EML5: variants seen among roughly 807,000 people sequenced by gnomAD.
EML5 encodes the protein EMAP like 5, also known as echinoderm microtubule-associated protein-like 5.
Under a neutral mutation model 250.0 loss-of-function variants are expected in EML5, and 120 were observed. The observed-to-expected ratio is 0.48, with a 90% CI of 0.41 to 0.56. The LOEUF is 0.56. Among genes scored for constraint, EML5 ranks in the 20% least tolerant of loss-of-function variants. The pLI is 0.00. For missense variants in EML5, 2,006 were observed against 2,437.6 expected (o/e 0.82, Z 3.73); for synonymous variants, 771 against 806.5 (o/e 0.96, Z 0.75).
At chr14:88,725,598 T>C (rs948039310) in intron 8 of EML5, among the ~76,000 whole-genome samples, 1 of 152,182 alleles carries the variant, frequency 6.6e-6, no homozygotes, top group Non-Finnish European at 1.5e-5. Context: ...TGAAGGATTA[T>C]GAGCTGCATC....
chr14:88,772,133 A>C (rs1464493741), intron 1 of EML5, among the ~76,000 whole-genome samples: 6 of 152,204 alleles, frequency 3.9e-5, no homozygotes, highest in Non-Finnish European at 8.8e-5. Flanking sequence ...TCAGACCAAG[A>C]AGCTAAATTT....
Position 88,743,613 on chromosome 14 carries a change from G to C in EML5, c.525+410C>G, listed in dbSNP as rs79437184. Reference sequence around the variant, plus strand: ...GCTCAAAGAGGTTAAATAACTCATAGCAGGTTAAACAGCTAATAAATGGCA... The same window carrying C: ...GCTCAAAGAGGTTAAATAACTCATACCAGGTTAAACAGCTAATAAATGGCA... On this transcript the variant is annotated intron_variant, in intron 4 of 43. Coordinates refer to ENST00000554922, the MANE Select transcript of EML5 (RefSeq NM_183387.3). 5.7e-3 allele frequency among the ~76,000 whole-genome samples: 860 copies of C among 152,170 alleles called. 7 individuals are homozygous for C. Among genetic ancestry groups the C allele is most frequent in the African/African-American group, 0.02 (829 of 41,568 alleles).
chr14:88,702,683 C>G, intron 13 of EML5, 51 bp from the exon 14 acceptor site: 1 of 1,321,268 alleles, frequency 7.6e-7, no homozygotes, highest in Non-Finnish European at 1.0e-6. Flanking sequence ...TTTATCTGAT[C>G]AATACAGAAT....
rs796325930 is a variant in EML5, at chr14:88,735,883, CCATAT to C, written c.1049+476_1049+480del. On this transcript the variant is annotated intron_variant, in intron 7 of 43. Coordinates refer to ENST00000554922, the MANE Select transcript of EML5 (RefSeq NM_183387.3). Reference sequence around the variant, plus strand: ...TGTACATTCTGATATGGAACAAACTCCATATCATATATTTGTAAGAGAAAAAATAT... The same window carrying C: ...TGTACATTCTGATATGGAACAAACTCCATATATTTGTAAGAGAAAAAATAT... Among the ~76,000 whole-genome samples the C allele has an allele frequency of 1.1e-4, 17 of 152,118 alleles. No individual in the cohort carries two copies. In the South Asian group the frequency reaches 3.3e-3, roughly 30 times the overall value.
chr14:88,684,010 A>G (rs950775368), intron 20 of EML5, among the ~76,000 whole-genome samples: 1 of 152,038 alleles, frequency 6.6e-6, no homozygotes, highest in Non-Finnish European at 1.5e-5. Context: ...GACAAGAAGA[A>G]GTAAAACTAT....
rs761877696 is a variant in EML5, at chr14:88,621,098, A to C, written c.5202+15T>G. ...AGAAGTTGTAACCTCTTTTAAAAAA[A>C]TTATCTGTACTTACTTTATCAGCAA... On this transcript the variant is annotated intron_variant, in intron 38 of 43. Transcript: ENST00000554922. 3.1e-6 allele frequency: 5 copies of C among 1,602,028 alleles called. No individual in the cohort carries two copies. The South Asian group carries it at 5.6e-5, about 18-fold the overall frequency.
intron 9 of EML5, among the ~76,000 whole-genome samples, chr14:88,713,083 G>A (rs577895603): frequency 1.1e-4 from 17 of 152,096 alleles, no homozygotes; most frequent in Middle Eastern, 3.4e-3. Flanking sequence ...TTCCCTAAGC[G>A]TCACAACAAA....
rs2091147397 is a variant in EML5, at chr14:88,642,880, C to A, written c.4237+13G>T. 1 of 1,592,952 alleles carries A rather than the reference C, an allele frequency of 6.3e-7. No individual in the cohort carries two copies. Among genetic ancestry groups the A allele is most frequent in the African/African-American group, 1.4e-5 (1 of 73,644 alleles). ...AAAAATTGATAGAGGGATGGAGAATCAGGGTTTCCTACCTGTAGCAACATT... is the reference window on the plus strand; with the variant it reads ...AAAAATTGATAGAGGGATGGAGAATAAGGGTTTCCTACCTGTAGCAACATT... On this transcript the variant is annotated intron_variant, in intron 31 of 43. Transcript: ENST00000554922.
intron 9 of EML5, among the ~76,000 whole-genome samples, chr14:88,713,391 C>CAA (rs61528440): frequency 6.8e-6 from 1 of 147,702 alleles, no homozygotes; most frequent in East Asian, 2.0e-4. Flanking sequence ...AACTCCGTCT[C>CAA]AAAAAAAAAA....
chr14:88,792,287 C>G lies in EML5; in HGVS notation c.197+20G>C, dbSNP rs771101805. On this transcript the variant is annotated intron_variant, in intron 1 of 43. Transcript: ENST00000554922. This position sits in a 1 kb window ranked among gnomAD's most constrained non-coding sequence, Gnocchi z 6.9. The stretch of plus-strand genomic sequence containing the variant: ...GGAGCGGCTTGCAGGGTGACGGCGG[C>G]GGCCCCCGCTCCCCGGTACCTGATG... 1 of 1,544,096 alleles carries G rather than the reference C, an allele frequency of 6.5e-7. No individual in the cohort carries two copies. The highest frequency in any genetic ancestry group is 8.7e-7 in the Non-Finnish European group (1 of 1,146,388).
chr14:88,744,166 T>C (rs2093969562), intron 3 of EML5, 75 bp from the exon 4 acceptor site: 4 of 936,298 alleles, frequency 4.3e-6, no homozygotes, highest in South Asian at 1.9e-5. Context: ...AAAGACCAAA[T>C]GGCCCAAACT....
chr14:88,666,371 C>T (rs1235332046), intron 21 of EML5, among the ~76,000 whole-genome samples: 1 of 152,108 alleles, frequency 6.6e-6, no homozygotes, highest in Non-Finnish European at 1.5e-5. Context: ...GGATTACAGG[C>T]ATGTGCCACC....
intron 2 of EML5, among the ~76,000 whole-genome samples, chr14:88,749,092 C>T (rs2094052007): frequency 6.6e-6 from 1 of 151,632 alleles, no homozygotes; most frequent in South Asian, 2.1e-4. Flanking sequence ...AAATCCCAAG[C>T]AGGATAATCA....
intron 17 of EML5, among the ~76,000 whole-genome samples, chr14:88,688,821 C>CA (rs1370167597): frequency 1.3e-5 from 2 of 152,196 alleles, no homozygotes; most frequent in African/African-American, 4.8e-5. Context: ...CGCTGACCTA[C>CA]AAAAAGATCC....
In EML5 at chr14:88,636,757, T is replaced by G. The variant is rs183776167; in HGVS notation, c.4336+2052A>C. On this transcript the variant is annotated intron_variant, in intron 32 of 43. Coordinates refer to ENST00000554922, the MANE Select transcript of EML5 (RefSeq NM_183387.3). ...GGAAGATAATGCCATGGGAATGTGA[T>G]TAGATGTTCTAGATACACCAAGAAT... Among the ~76,000 whole-genome samples the G allele has an allele frequency of 2.5e-3, 374 of 152,290 alleles. 3 individuals are homozygous for G. Among genetic ancestry groups the G allele is most frequent in the African/African-American group, 8.2e-3 (341 of 41,574 alleles).
rs35953031 is a variant in EML5, at chr14:88,620,934, T to TAAA, written c.5203-11_5203-9dup. The stretch of plus-strand genomic sequence containing the variant: ...CACTTTGTTTAACATCTTCTGCATT[T>TAAA]AAAAAAAAAAAAAAAAAGAGTCATA... On this transcript the variant is annotated splice_polypyrimidine_tract_variant and intron_variant, in intron 38 of 43. Coordinates refer to ENST00000554922, the MANE Select transcript of EML5 (RefSeq NM_183387.3). This position sits in a 1 kb window ranked among gnomAD's most constrained non-coding sequence, Gnocchi z 4.3. The TAAA allele has an allele frequency of 1.3e-4, 185 of 1,372,050 alleles. No individual in the cohort carries two copies. The highest frequency in any genetic ancestry group is 4.3e-4 in the South Asian group (27 of 62,268). The allele number at this position is 1,372,050 out of a possible 1,614,324, so 85.0% of individuals were successfully genotyped here. A position where few individuals can be genotyped will look rare whatever the true frequency, so the allele number is the denominator to read the frequency against.
At chr14:88,654,023 G>C (rs893988694) in intron 27 of EML5, among the ~76,000 whole-genome samples, 1 of 152,134 alleles carries the variant, frequency 6.6e-6, no homozygotes, top group Admixed American at 6.5e-5. Context: ...GAGGGTGTAT[G>C]TGTCCAGGAA....
chr14:88,666,201 G>A (rs1357191759), intron 21 of EML5, among the ~76,000 whole-genome samples: 2 of 152,162 alleles, frequency 1.3e-5, no homozygotes, highest in Non-Finnish European at 1.5e-5. Context: ...CAAAAAAACA[G>A]AAATTTAAGA....
intron 41 of EML5, 186 bp from the exon 42 acceptor site, chr14:88,617,065 T>G: frequency 2.1e-6 from 1 of 467,812 alleles, no homozygotes; most frequent in Non-Finnish European, 3.8e-6. Context: ...CTTTTAAAAA[T>G]GACATTTTAT....
Sources: gnomAD v4.1 joint callset for allele counts (sites outside exome capture counted in the v4.1 genomes callset) on GRCh38, gnomAD v4.1.1 for gene constraint, Gnocchi (gnomAD v3.1) non-coding constraint, MANE v1.5 for transcripts, NCBI Gene and HGNC (gene_info 2026-07-23, HGNC 2026-07-21) for gene names.